The following COX5A variants were observed in gnomAD, a reference collection of about 807,000 sequenced individuals.
COX5A encodes cytochrome c oxidase subunit 5A, mitochondrial.
Under a neutral mutation model 16.1 loss-of-function variants are expected in COX5A, and 6 were observed. The ratio of observed to expected loss-of-function variants is 0.37; its 90% CI spans 0.20 to 0.73. The LOEUF (loss-of-function observed/expected upper bound fraction) is 0.73, where lower values mean the gene tolerates loss of function less well. Among genes scored for constraint, COX5A ranks in the 30% least tolerant of loss-of-function variants. The probability of loss-of-function intolerance (pLI) is 0.50; values close to 1 mark genes in which losing one functional copy is unlikely to be tolerated. For synonymous variants in COX5A, 73 were observed against 73.8 expected (o/e 0.99, Z 0.06); for missense variants, 159 against 194.9 (o/e 0.82, Z 1.10).
At chr15:74,936,794 A>G (rs1339955463) in intron 1 of COX5A, among the ~76,000 whole-genome samples, 2 of 151,332 alleles carry the variant, frequency 1.3e-5, no homozygotes, top group African/African-American at 2.4e-5. Flanking sequence ...ACCCAGCTAA[A>G]TTTTTTGTAT....
At chr15:74,922,723 T>C (rs933152560) in intron 4 of COX5A, among the ~76,000 whole-genome samples, 3 of 149,396 alleles carry the variant, frequency 2.0e-5, no homozygotes, top group Non-Finnish European at 3.0e-5. Context: ...TGGAGTACAG[T>C]GACACAGTCT....
chr15:74,926,089 G>C (rs1354106091), intron 3 of COX5A, among the ~76,000 whole-genome samples: 3 of 147,278 alleles, frequency 2.0e-5, no homozygotes, highest in Admixed American at 1.4e-4. Context: ...ACCCAGGCTG[G>C]AGTGCAGTGG....
At chr15:74,933,694 A>C (rs1351662761) in intron 1 of COX5A, among the ~76,000 whole-genome samples, 2 of 152,220 alleles carry the variant, frequency 1.3e-5, no homozygotes, top group African/African-American at 4.8e-5. Flanking sequence ...TATCAAGTTA[A>C]ACACAAACCT....
chr15:74,921,140 GCTCACGCCTGTAATC>G (rs2065317845), intron 4 of COX5A, among the ~76,000 whole-genome samples: 1 of 152,134 alleles, frequency 6.6e-6, no homozygotes, highest in African/African-American at 2.4e-5. Flanking sequence ...GGGCGCGGTG[GCTCACGCCTGTAATC>G]CCAGCACTTT....
intron 1 of COX5A, among the ~76,000 whole-genome samples, chr15:74,933,421 ATCTATCTATCTATCTATCTATCT>A (rs2065375629): frequency 1.7e-5 from 1 of 57,714 alleles, no homozygotes; most frequent in African/African-American, 8.8e-5. Flanking sequence ...AAAAAAAAAT[ATCTATCTATCTATCTATCTATCT>A]ATCTATCTAT....
At chr15:74,935,404 G>T (rs2065384846) in intron 1 of COX5A, among the ~76,000 whole-genome samples, 1 of 151,954 alleles carries the variant, frequency 6.6e-6, no homozygotes. Flanking sequence ...GTGGGAGGAG[G>T]GAGGCACTCC....
intron 3 of COX5A, 93 bp from the exon 4 acceptor site, chr15:74,923,863 G>T: frequency 2.6e-6 from 2 of 777,584 alleles, no homozygotes; most frequent in Non-Finnish European, 4.4e-6. Flanking sequence ...AATTACTTAT[G>T]CAGAGGCAGG....
At chr15:74,930,762 A>T (rs1169086551) in intron 1 of COX5A, among the ~76,000 whole-genome samples, 1 of 150,154 alleles carries the variant, frequency 6.7e-6, no homozygotes, top group Non-Finnish European at 1.5e-5. Flanking sequence ...TCACGCCTGT[A>T]ATCCCAGCAC....
intron 1 of COX5A, among the ~76,000 whole-genome samples, chr15:74,930,897 G>C (rs1196836613): frequency 6.7e-6 from 1 of 149,534 alleles, no homozygotes; most frequent in East Asian, 2.0e-4. Flanking sequence ...GGCGCCTGTG[G>C]TCCCACCTAG....
intron 4 of COX5A, 24 bp from the exon 5 acceptor site, chr15:74,920,466 TAGCC>T: frequency 1.5e-6 from 1 of 681,824 alleles, no homozygotes; most frequent in Non-Finnish European, 2.6e-6. Context: ...CACAAAGAAT[TAGCC>T]AGGAAAGAAT....
intron 1 of COX5A, among the ~76,000 whole-genome samples, chr15:74,932,699 CTT>C (rs1345605981): frequency 1.4e-4 from 20 of 140,370 alleles, no homozygotes; most frequent in Admixed American, 2.2e-4. Flanking sequence ...GTTTTAATTT[CTT>C]TTTTTTTTTT....
At position 74,926,891 on chromosome 15, in the gene COX5A, C is replaced by A; in HGVS notation, c.218-4G>T. ...TAGGTAACAAGTGTGTTTATCCCTG[C>A]AAAATTAAAAAGAAGGGCCATGTCA... On this transcript the variant is annotated splice_polypyrimidine_tract_variant and splice_region_variant and intron_variant, in intron 2 of 4. Coordinates refer to ENST00000322347, the MANE Select transcript of COX5A (RefSeq NM_004255.4). 6.2e-7 allele frequency: 1 copy of A among 1,605,144 alleles called. No homozygotes were observed. Among genetic ancestry groups the A allele is most frequent in the Non-Finnish European group, 8.5e-7 (1 of 1,177,226 alleles).
chr15:74,937,631 A>C, intron 1 of COX5A: 1 of 258,524 alleles, frequency 3.9e-6, no homozygotes, highest in Non-Finnish European at 7.4e-6. Context: ...ATGGCCCGGG[A>C]ACCGAAGGGG....
At chr15:74,928,376 T>C (rs1213018704) in intron 2 of COX5A, among the ~76,000 whole-genome samples, 1 of 152,062 alleles carries the variant, frequency 6.6e-6, no homozygotes, top group Non-Finnish European at 1.5e-5. Flanking sequence ...AAATGACTGC[T>C]TTGTGTAAAT....
intron 1 of COX5A, among the ~76,000 whole-genome samples, chr15:74,933,479 A>T (rs1321945422): frequency 6.6e-6 from 1 of 151,744 alleles, no homozygotes. Context: ...AAAAACATAG[A>T]TTAGAACAAC....
intron 2 of COX5A, among the ~76,000 whole-genome samples, chr15:74,927,716 G>A (rs1054773328): frequency 6.6e-6 from 1 of 152,036 alleles, no homozygotes; most frequent in Non-Finnish European, 1.5e-5. Context: ...AGGTTGCAGT[G>A]AGCTGAGATC....
intron 1 of COX5A, among the ~76,000 whole-genome samples, chr15:74,936,622 CTTTTT>C (rs1021836626): frequency 8.9e-6 from 1 of 112,424 alleles, no homozygotes; most frequent in Non-Finnish European, 1.7e-5. Context: ...AAAACATATT[CTTTTT>C]TTTTTTTTTT....
chr15:74,934,376 G>A (rs535302348), intron 1 of COX5A, among the ~76,000 whole-genome samples: 1 of 151,586 alleles, frequency 6.6e-6, no homozygotes, highest in African/African-American at 2.4e-5. Flanking sequence ...TGTCGCCCAG[G>A]CGGGAGTGCA....
intron 4 of COX5A, among the ~76,000 whole-genome samples, chr15:74,920,925 C>G (rs750800049): frequency 1.3e-5 from 2 of 151,414 alleles, no homozygotes; most frequent in Non-Finnish European, 2.9e-5. Context: ...TGGAGTGGGC[C>G]GAGATCGCTT....
Sources: allele counts gnomAD v4.1 joint callset (sites outside exome capture counted in the v4.1 genomes callset), GRCh38; gene constraint gnomAD v4.1.1; transcripts MANE v1.5; gene names NCBI Gene and HGNC (gene_info 2026-07-23, HGNC 2026-07-21).